DTHD1: variants seen among roughly 807,000 people sequenced by gnomAD.
DTHD1 encodes the protein death domain containing 1.
Under a neutral mutation model 74.8 loss-of-function variants are expected in DTHD1, and 59 were observed. The ratio of observed to expected loss-of-function variants is 0.79; its 90% CI spans 0.64 to 0.98. The LOEUF (loss-of-function observed/expected upper bound fraction) is 0.98. DTHD1 is among the 50% of genes least tolerant of loss of function. DTHD1 has a pLI of 0.00. For synonymous variants in DTHD1, 365 were observed against 371.1 expected, an observed-to-expected ratio of 0.98 and a Z score of 0.19; for missense variants, 1,051 against 1,065.4, an observed-to-expected ratio of 0.99 and a Z score of 0.19.
intron 6 of DTHD1, among the ~76,000 whole-genome samples, chr4:36,307,327 G>T (rs1473463655): frequency 6.6e-6 from 1 of 152,198 alleles, no homozygotes; most frequent in Non-Finnish European, 1.5e-5. Context: ...GGGCTGTGAG[G>T]GAAGGATCTG....
intron 9 of DTHD1, among the ~76,000 whole-genome samples, 191 bp downstream of exon 9, chr4:36,339,360 A>G (rs1459220921): frequency 6.6e-6 from 1 of 152,220 alleles, no homozygotes; most frequent in Non-Finnish European, 1.5e-5. Context: ...GCATTCTTAA[A>G]TCTGCATGTA....
chr4:36,287,260 A>T (rs898756246), intron 2 of DTHD1, among the ~76,000 whole-genome samples: 1 of 152,222 alleles, frequency 6.6e-6, no homozygotes, highest in Non-Finnish European at 1.5e-5. Flanking sequence ...AACTTCAGTT[A>T]GAGTAATGTT....
At chr4:36,318,220 G>A (rs1415828628) in intron 8 of DTHD1, among the ~76,000 whole-genome samples, 1 of 152,190 alleles carries the variant, frequency 6.6e-6, no homozygotes, top group Admixed American at 6.5e-5. Flanking sequence ...GTGTTGAATG[G>A]CTATTATGCT....
chr4:36,297,773 A>G (rs1756521246), intron 5 of DTHD1, among the ~76,000 whole-genome samples: 1 of 152,154 alleles, frequency 6.6e-6, no homozygotes, highest in Non-Finnish European at 1.5e-5. Context: ...GGTGGGGTTG[A>G]AAAGAAGAGG....
chr4:36,291,364 G>A (rs1282136622), intron 3 of DTHD1, among the ~76,000 whole-genome samples: 1 of 152,182 alleles, frequency 6.6e-6, no homozygotes, highest in East Asian at 1.9e-4. Context: ...ACCTGGTATG[G>A]TTGTAAGAAT....
chr4:36,301,831 A>G (rs1756790884), intron 5 of DTHD1, among the ~76,000 whole-genome samples: 1 of 152,128 alleles, frequency 6.6e-6, no homozygotes, highest in Non-Finnish European at 1.5e-5. Context: ...ACATTATTGA[A>G]ACGTTTCTGT....
rs1344615525 is a variant in DTHD1, at chr4:36,284,602, G to A, written c.887+11G>A. On this transcript the variant is annotated intron_variant, in intron 2 of 9. Transcript: ENST00000639862. The stretch of plus-strand genomic sequence containing the variant: ...CATAATGGAAAAGGAGTAAGTAAAT[G>A]CAATGTGGGAAGTGCTTAAGTATGC... 7 of 1,492,082 alleles carry A rather than the reference G, an allele frequency of 4.7e-6. No individual in the cohort carries two copies. Among genetic ancestry groups the A allele is most frequent in the Non-Finnish European group, 5.3e-6 (6 of 1,125,118 alleles). 92.4% of individuals were successfully genotyped at this position (1,492,082 alleles called of 1,614,324 possible). A position where few individuals can be genotyped will look rare whatever the true frequency, so the allele number is the denominator to read the frequency against.
intron 2 of DTHD1, among the ~76,000 whole-genome samples, chr4:36,289,055 G>A (rs930537899): frequency 1.3e-5 from 2 of 151,974 alleles, no homozygotes; most frequent in African/African-American, 4.8e-5. Context: ...ATATTTTTTG[G>A]ATTTCTATGT....
intron 5 of DTHD1, among the ~76,000 whole-genome samples, chr4:36,304,636 A>T (rs1381118177): frequency 3.9e-5 from 6 of 152,200 alleles, no homozygotes; most frequent in Admixed American, 3.9e-4. Flanking sequence ...TGTGGAGTGT[A>T]GGTAGCATCA....
At chr4:36,332,703 A>T (rs745829163) in intron 8 of DTHD1, 8 of 152,198 alleles carry the variant, frequency 5.3e-5, no homozygotes, top group African/African-American at 9.7e-5. Flanking sequence ...ACTGTCAGAG[A>T]CTAGTGTGGT....
chr4:36,305,251 C>G (rs1311631848), intron 5 of DTHD1, among the ~76,000 whole-genome samples: 2 of 152,080 alleles, frequency 1.3e-5, no homozygotes, highest in Non-Finnish European at 2.9e-5. Context: ...TTTCATGCCA[C>G]TGATAAAGAC....
At chr4:36,308,545 T>C in intron 7 of DTHD1, 52 bp downstream of exon 7, 5 of 1,413,874 alleles carry the variant, frequency 3.5e-6, no homozygotes, top group Middle Eastern at 4.7e-4. Flanking sequence ...AGCCACAAGC[T>C]CTTCAGAAGA....
At chr4:36,313,081 T>A (rs1757495150) in intron 7 of DTHD1, among the ~76,000 whole-genome samples, 1 of 152,186 alleles carries the variant, frequency 6.6e-6, no homozygotes, top group Non-Finnish European at 1.5e-5. Flanking sequence ...TTCAATTTTT[T>A]AAATATGACT....
Position 36,343,967 on chromosome 4 carries a change from G to C in DTHD1, c.*143G>C. The C allele has an allele frequency of 1.2e-6, 1 of 806,376 alleles. No individual in the cohort carries two copies. Among genetic ancestry groups the C allele is most frequent in the Non-Finnish European group, 1.9e-6 (1 of 526,546 alleles). The allele number at this position is 806,376 out of a possible 1,614,324, so 50.0% of individuals were successfully genotyped here. ...GTGCTATTTAATGATGTGAGACAAA[G>C]GGAGAAGCACGGATCAGATAATAGA... On this transcript the variant is annotated 3_prime_UTR_variant, in exon 10 of 10. Coordinates refer to ENST00000639862, the MANE Select transcript of DTHD1 (RefSeq NM_001170700.3).
intron 8 of DTHD1, 105 bp from the exon 9 acceptor site, chr4:36,339,007 C>A: frequency 2.2e-6 from 2 of 890,090 alleles, no homozygotes; most frequent in Non-Finnish European, 1.8e-6. Flanking sequence ...GTATGCAATT[C>A]AGTACTTCTT....
intron 8 of DTHD1, among the ~76,000 whole-genome samples, chr4:36,324,729 G>T (rs1448613540): frequency 6.6e-6 from 1 of 152,066 alleles, no homozygotes; most frequent in East Asian, 1.9e-4. Context: ...AGGAAATAAA[G>T]TATAAAACTT....
chr4:36,313,183 G>T (rs1757500850), intron 7 of DTHD1, among the ~76,000 whole-genome samples: 1 of 152,046 alleles, frequency 6.6e-6, no homozygotes, highest in South Asian at 2.1e-4. Context: ...AAAATATATT[G>T]CTATAAGGGA....
chr4:36,335,985 C>A (rs1197847191), intron 8 of DTHD1, among the ~76,000 whole-genome samples: 1 of 152,208 alleles, frequency 6.6e-6, no homozygotes, highest in African/African-American at 2.4e-5. Flanking sequence ...TAAATGACTT[C>A]TAAATAGATA....
chr4:36,281,847 TG>T lies in DTHD1; in HGVS notation c.92del (p.Gly31ValfsTer66). 2 of 1,257,940 alleles carry T rather than the reference TG, an allele frequency of 1.6e-6. No homozygotes were observed. The allele number at this position is 1,257,940 out of a possible 1,614,324, so 77.9% of individuals were successfully genotyped here. A position where few individuals can be genotyped will look rare whatever the true frequency, so the allele number is the denominator to read the frequency against. On this transcript the variant is annotated frameshift_variant, in exon 1 of 10. Coordinates refer to ENST00000639862, the MANE Select transcript of DTHD1 (RefSeq NM_001170700.3). LOFTEE classifies it high-confidence loss of function. ...RQNQMLKQAL[L>X]GDDLCEGAGG... ...AACCAGATGCTAAAGCAGGCACTCTTGGGTGATGACCTTTGTGAGGGGGCTG... is the reference window on the plus strand; with the variant it reads ...AACCAGATGCTAAAGCAGGCACTCTTGGTGATGACCTTTGTGAGGGGGCTG...
Sources: allele counts gnomAD v4.1 joint callset (sites outside exome capture counted in the v4.1 genomes callset), GRCh38; gene constraint gnomAD v4.1.1; transcripts MANE v1.5; gene names NCBI Gene and HGNC (gene_info 2026-07-23, HGNC 2026-07-21).